Variants in EBF1 observed in about 807,000 individuals in gnomAD.
EBF1 encodes the protein EBF transcription factor 1, also known as transcription factor COE1.
In EBF1, 10 loss-of-function variants were observed where a neutral mutation model predicts 68.4. That is an observed-to-expected ratio of 0.15 (90% CI 0.09 to 0.25). The LOEUF is 0.25. Ranked by LOEUF, EBF1 falls within the 10% of genes least tolerant of loss-of-function variation. EBF1 has a pLI of 1.00. For synonymous variants in EBF1, 298 were observed against 299.8 expected (o/e 0.99, Z 0.06); for missense variants, 509 against 794.4 (o/e 0.64, Z 4.32).
rs145819749 is a variant in EBF1, at chr5:158,959,133, T to C, written c.554+114263A>G. Among the ~76,000 whole-genome samples, 1,036 of 152,258 alleles carry C rather than the reference T, an allele frequency of 6.8e-3. 16 individuals are homozygous for C. Among genetic ancestry groups the C allele is most frequent in the African/African-American group, 0.024 (985 of 41,550 alleles). ...GAAAATAACTTTCTTAAAGAACCCC[T>C]GAACCATTAACATATCTGAGGAATA... On this transcript the variant is annotated intron_variant, in intron 6 of 15. Transcript: ENST00000313708.
chr5:158,741,086 C>A (rs984863401), intron 10 of EBF1, among the ~76,000 whole-genome samples: 3 of 152,202 alleles, frequency 2.0e-5, no homozygotes, highest in Admixed American at 2.0e-4. Flanking sequence ...CATTTTATTT[C>A]ATTTTAAAAT....
At chr5:158,776,309 C>CGAGAGA (rs370864488) in intron 10 of EBF1, among the ~76,000 whole-genome samples, 1 of 147,986 alleles carries the variant, frequency 6.8e-6, no homozygotes, top group Non-Finnish European at 1.5e-5. Flanking sequence ...TTTATAATTT[C>CGAGAGA]GAGAGAGAGA....
chr5:158,982,938 T>A (rs1366321129), intron 6 of EBF1: 1 of 152,150 alleles, frequency 6.6e-6, no homozygotes, highest in African/African-American at 2.4e-5. Flanking sequence ...TATGAGGAAC[T>A]GCTTTGTTAC....
chr5:158,969,919 A>AGAAAAGAAAGAAAGAAAGAAAG (rs199980397), intron 6 of EBF1, among the ~76,000 whole-genome samples: 1 of 60,176 alleles, frequency 1.7e-5, no homozygotes, highest in Non-Finnish European at 3.6e-5. Context: ...AAAGAAAGAA[A>AGAAAAGAAAGAAAGAAAGAAAG]AAAAAAAAAA....
chr5:158,711,632 C>T (rs936538795), intron 14 of EBF1, among the ~76,000 whole-genome samples: 1 of 151,688 alleles, frequency 6.6e-6, no homozygotes, highest in African/African-American at 2.4e-5. Context: ...AAGTAGATGA[C>T]AAATATGGTG....
At chr5:158,714,435 G>C (rs1159265087) in intron 11 of EBF1, among the ~76,000 whole-genome samples, 1 of 152,208 alleles carries the variant, frequency 6.6e-6, no homozygotes, top group Non-Finnish European at 1.5e-5. Context: ...CCATAGGCAT[G>C]ATAAAGCACT....
intron 10 of EBF1, among the ~76,000 whole-genome samples, chr5:158,746,651 A>G (rs1468149437): frequency 2.0e-5 from 3 of 152,206 alleles, no homozygotes; most frequent in Non-Finnish European, 4.4e-5. Context: ...AACAAGGAAA[A>G]AAAAAGTGAC....
chr5:158,899,602 C>T (rs965864641), intron 6 of EBF1, among the ~76,000 whole-genome samples: 2 of 152,298 alleles, frequency 1.3e-5, no homozygotes, highest in African/African-American at 2.4e-5. Flanking sequence ...ACGGGAAGAA[C>T]ACTTGCAATA....
intron 6 of EBF1, among the ~76,000 whole-genome samples, chr5:158,961,081 T>C (rs1309046201): frequency 2.0e-5 from 3 of 152,130 alleles, no homozygotes; most frequent in African/African-American, 7.2e-5. Context: ...AGAAAAATAT[T>C]CGAGCTCAGT....
intron 6 of EBF1, among the ~76,000 whole-genome samples, chr5:158,859,332 C>A (rs1353662366): frequency 6.6e-6 from 1 of 152,126 alleles, no homozygotes; most frequent in East Asian, 1.9e-4. Flanking sequence ...TTCTAAAGAC[C>A]CCCTATCCTT....
chr5:158,861,142 G>A (rs952144991), intron 6 of EBF1, among the ~76,000 whole-genome samples: 1 of 152,200 alleles, frequency 6.6e-6, no homozygotes, highest in East Asian at 1.9e-4. Flanking sequence ...TCCCCTGGAG[G>A]ATTCAAGGTG....
intron 6 of EBF1, among the ~76,000 whole-genome samples, chr5:159,002,424 C>A (rs1484043962): frequency 6.6e-6 from 1 of 152,158 alleles, no homozygotes; most frequent in Admixed American, 6.5e-5. Flanking sequence ...CTCGCTTTTC[C>A]GCTCATTGTC....
chr5:158,934,203 G>A (rs1209646795), intron 6 of EBF1, among the ~76,000 whole-genome samples: 2 of 152,120 alleles, frequency 1.3e-5, no homozygotes, highest in African/African-American at 2.4e-5. Context: ...TATGGGAGCC[G>A]AATCTCACTT....
intron 6 of EBF1, among the ~76,000 whole-genome samples, chr5:158,855,514 C>T (rs1793806441): frequency 6.6e-6 from 1 of 152,186 alleles, no homozygotes; most frequent in African/African-American, 2.4e-5. Context: ...AGCTCTTCCC[C>T]ACCCTGGGTC....
intron 11 of EBF1, among the ~76,000 whole-genome samples, chr5:158,726,924 C>A (rs949682034): frequency 6.6e-6 from 1 of 152,210 alleles, no homozygotes; most frequent in Admixed American, 6.5e-5. Context: ...TGGGGAACAC[C>A]CACAGTGCAG....
intron 6 of EBF1, among the ~76,000 whole-genome samples, chr5:159,005,509 C>T (rs1262601524): frequency 6.6e-6 from 1 of 152,180 alleles, no homozygotes; most frequent in African/African-American, 2.4e-5. Flanking sequence ...TTTTAAAGCA[C>T]TCTGAGTGTG....
chr5:158,826,075 G>A (rs541552277), intron 7 of EBF1, among the ~76,000 whole-genome samples: 1 of 152,222 alleles, frequency 6.6e-6, no homozygotes, highest in East Asian at 1.9e-4. Flanking sequence ...AGACAAGCCT[G>A]CCAAATCTTC....
chr5:158,832,243 G>T (rs1198546238), intron 7 of EBF1, among the ~76,000 whole-genome samples: 1 of 152,180 alleles, frequency 6.6e-6, no homozygotes, highest in African/African-American at 2.4e-5. Context: ...TCTAAGTGCA[G>T]GGCGACCACT....
intron 6 of EBF1, among the ~76,000 whole-genome samples, chr5:158,948,798 G>C (rs1010224761): frequency 6.6e-6 from 1 of 152,166 alleles, no homozygotes; most frequent in Non-Finnish European, 1.5e-5. Context: ...GATGGTTATC[G>C]ACATTAGAAA....
Sources: gnomAD v4.1 joint callset for allele counts (sites outside exome capture counted in the v4.1 genomes callset) on GRCh38, gnomAD v4.1.1 for gene constraint, MANE v1.5 for transcripts, NCBI Gene and HGNC (gene_info 2026-07-23, HGNC 2026-07-21) for gene names.